The following GPHB5 variants were observed in gnomAD, a reference collection of about 807,000 sequenced individuals.
GPHB5 encodes the protein glycoprotein hormone beta-5.
GPHB5 carries 7 observed loss-of-function variants against 10.1 expected under a neutral mutation model. The ratio of observed to expected loss-of-function variants is 0.69; its 90% CI spans 0.39 to 1.30. The LOEUF is 1.30. GPHB5 is among the 50% of genes most tolerant of loss of function. The pLI is 0.01. For missense variants in GPHB5, 161 were observed against 169.8 expected (o/e 0.95, Z 0.29); for synonymous variants, 68 against 70.1 (o/e 0.97, Z 0.15).
intron 2 of GPHB5, 150 bp from the exon 3 acceptor site, chr14:63,313,266 A>G: frequency 1.3e-6 from 1 of 763,056 alleles, no homozygotes; most frequent in Non-Finnish European, 2.1e-6. Flanking sequence ...AAACTCCTGA[A>G]AGCAAGAAGC....
chr14:63,316,018 T>C (rs1472084087), intron 2 of GPHB5, among the ~76,000 whole-genome samples: 1 of 152,054 alleles, frequency 6.6e-6, no homozygotes, highest in Non-Finnish European at 1.5e-5. Flanking sequence ...AGACACTAGA[T>C]GCGAACAGGG....
chr14:63,313,878 A>G (rs966615890), intron 2 of GPHB5, among the ~76,000 whole-genome samples: 1 of 152,082 alleles, frequency 6.6e-6, no homozygotes, highest in Non-Finnish European at 1.5e-5. Context: ...TTTATTTTCC[A>G]CCACAGCACT....
intron 2 of GPHB5, among the ~76,000 whole-genome samples, chr14:63,315,364 T>C (rs1390181984): frequency 1.3e-5 from 2 of 152,228 alleles, no homozygotes; most frequent in Non-Finnish European, 2.9e-5. Context: ...TTCAGATACA[T>C]AATTTTTTAG....
chr14:63,312,993 G>T lies in GPHB5; in HGVS notation c.328C>A (p.Pro110Thr), dbSNP rs764715015. The T allele has an allele frequency of 8.3e-6, 13 of 1,571,338 alleles. No individual in the cohort carries two copies. The South Asian group carries it at 1.4e-4, about 17-fold the overall frequency. The change falls in exon 3 of 3, where the codon CCC (proline) becomes ACC (threonine). Residue 110 changes from proline (P) to threonine (T), a missense_variant. Pro to Thr is a conservative substitution (Grantham distance 38). Transcript: ENST00000621500. ...APGVDPFYTYPVAIRCDCGAC... is the reference protein window; with the variant it reads ...APGVDPFYTYTVAIRCDCGAC... ...CCGCAGTCACAGCGGATGGCCACGG[G>T]ATAGGTGTAGAAGGGGTCGACTCCC...
chr14:63,314,425 C>CTTT (rs1169264553), intron 2 of GPHB5, among the ~76,000 whole-genome samples: 7 of 132,962 alleles, frequency 5.3e-5, no homozygotes, highest in African/African-American at 1.6e-4. Flanking sequence ...AAATGCAATC[C>CTTT]ATTTTTTTTT....
Position 63,312,951 on chromosome 14 carries a change from T to A in GPHB5, c.370A>T (p.Thr124Ser), listed in dbSNP as rs118004333. 4,823 of 1,553,566 alleles carry A rather than the reference T, an allele frequency of 3.1e-3. 134 individuals carry two copies. In the East Asian group the frequency reaches 0.071, roughly 23 times the overall value. Reference protein sequence around the residue: ...RCDCGACSTATTECETI With the variant: ...RCDCGACSTASTECETI ...CCTCAGATGGTCTCACACTCCGTGG[T>A]GGCAGTGGAGCAGGCTCCGCAGTCA... The change falls in exon 3 of 3, where the codon ACC (threonine) becomes TCC (serine). Residue 124 changes from threonine to serine, a missense_variant. Physicochemically the swap from Thr to Ser is moderately conservative, Grantham distance 58. Coordinates refer to ENST00000621500, the MANE Select transcript of GPHB5 (RefSeq NM_145171.4).
In GPHB5 at chr14:63,318,929, TTC is replaced by T. The variant is rs1205585259; in HGVS notation, c.-109_-108del. 6.6e-6 allele frequency: 1 copy of T among 152,248 alleles called. No individual in the cohort carries two copies. Among genetic ancestry groups the T allele is most frequent in the Non-Finnish European group, 1.5e-5 (1 of 68,042 alleles). 9.4% of individuals were successfully genotyped at this position (152,248 alleles called of 1,614,324 possible). On this transcript the variant is annotated 5_prime_UTR_variant, in exon 1 of 3. Transcript: ENST00000621500. ...TTTGCCCTGGGTAAATGTCTCTACCTTCTGTTACTGGGCTGCTTGATTGCTCA... is the reference window on the plus strand; with the variant it reads ...TTTGCCCTGGGTAAATGTCTCTACCTTGTTACTGGGCTGCTTGATTGCTCA...
intron 2 of GPHB5, 28 bp downstream of exon 2, chr14:63,317,618 C>T (rs780413129): frequency 1.9e-6 from 3 of 1,606,638 alleles, no homozygotes; most frequent in Admixed American, 1.7e-5. Context: ...CTAGAAGACA[C>T]TGTCATCTGC....
At chr14:63,314,263 C>T (rs1332062593) in intron 2 of GPHB5, among the ~76,000 whole-genome samples, 1 of 151,996 alleles carries the variant, frequency 6.6e-6, no homozygotes, top group Admixed American at 6.5e-5. Context: ...TGTTCTGCCA[C>T]TTGCTGGAGA....
At position 63,312,932 on chromosome 14, in the gene GPHB5, A is replaced by G; in HGVS notation, c.389T>C (p.Ile130Thr). 6.4e-7 allele frequency: 1 copy of G among 1,551,992 alleles called. No homozygotes were observed. The highest frequency in any genetic ancestry group is 8.7e-7 in the Non-Finnish European group (1 of 1,147,150). Residue 130 changes from isoleucine (I) to threonine (T), a missense_variant, in exon 3 of 3, where the codon ATC (isoleucine) becomes ACC (threonine). Physicochemically the swap from Ile to Thr is moderately conservative, Grantham distance 89. Transcript: ENST00000621500. Reference sequence around the variant, plus strand: ...TGCAGAGAGCAGCTAGCGGCCTCAGATGGTCTCACACTCCGTGGTGGCAGT... The same window carrying G: ...TGCAGAGAGCAGCTAGCGGCCTCAGGTGGTCTCACACTCCGTGGTGGCAGT... ...CSTATTECET[I>T]
chr14:63,317,754 G>T lies in GPHB5; in HGVS notation c.96C>A (p.Thr32=). The change falls in exon 2 of 3, where the codon ACC becomes ACA. Residue 32 remains threonine, a synonymous_variant. Transcript: ENST00000621500. ...ACTCCCTCACGGCACAGCCCACAAA[G>T]GTGCGCAGGTTCCCACTGGAGGCAC... is the stretch of plus-strand genomic sequence containing the variant. The part of the protein sequence containing the change: ...VLGASSGNLR[T]FVGCAVREFT... 1 of 1,614,014 alleles carries T rather than the reference G, an allele frequency of 6.2e-7. No individual in the cohort carries two copies. Among genetic ancestry groups the T allele is most frequent in the Non-Finnish European group, 8.5e-7 (1 of 1,179,880 alleles).
Position 63,312,980 on chromosome 14 carries a change from C to CGGATGGCCACG in GPHB5, c.330_340dup (p.Arg114ProfsTer?). 1 of 1,561,452 alleles carries CGGATGGCCACG rather than the reference C, an allele frequency of 6.4e-7. No individual in the cohort carries two copies. Among genetic ancestry groups the CGGATGGCCACG allele is most frequent in the Non-Finnish European group, 8.7e-7 (1 of 1,152,558 alleles). ...AGTGGAGCAGGCTCCGCAGTCACAG[C>CGGATGGCCACG]GGATGGCCACGGGATAGGTGTAGAA... On this transcript the variant is annotated frameshift_variant, in exon 3 of 3. Coordinates refer to ENST00000621500, the MANE Select transcript of GPHB5 (RefSeq NM_145171.4). LOFTEE classifies it high-confidence loss of function.
chr14:63,315,244 C>G (rs1435845572), intron 2 of GPHB5, among the ~76,000 whole-genome samples: 1 of 152,140 alleles, frequency 6.6e-6, no homozygotes, highest in African/African-American at 2.4e-5. Context: ...ACCAGAAGAG[C>G]TGAATTTGTC....
At chr14:63,314,524 C>A (rs1290311180) in intron 2 of GPHB5, among the ~76,000 whole-genome samples, 1 of 143,842 alleles carries the variant, frequency 7.0e-6, no homozygotes, top group Non-Finnish European at 1.5e-5. Flanking sequence ...GGGTTCACGC[C>A]ATTCTCCTGC....
chr14:63,317,905 G>A lies in GPHB5; in HGVS notation c.-1-55C>T, dbSNP rs146787069. ...TTTAACAGATCTGGCTGCCTTCAAT[G>A]GCACAGCCAACCATGCATTTGTCAC... is the stretch of plus-strand genomic sequence containing the variant. On this transcript the variant is annotated intron_variant, in intron 1 of 2. Transcript: ENST00000621500. 175 of 1,511,038 alleles carry A rather than the reference G, an allele frequency of 1.2e-4. No individual in the cohort carries two copies. The African/African-American group carries it at 1.8e-3, about 16-fold the overall frequency. The allele number at this position is 1,511,038 out of a possible 1,614,324, so 93.6% of individuals were successfully genotyped here. A position where few individuals can be genotyped will look rare whatever the true frequency, so the allele number is the denominator to read the frequency against.
chr14:63,317,514 G>T, intron 2 of GPHB5, 132 bp downstream of exon 2: 1 of 782,052 alleles, frequency 1.3e-6, no homozygotes, highest in Non-Finnish European at 2.0e-6. Flanking sequence ...GTTTTGTTTT[G>T]GTTTTTTAAG....
In GPHB5 at chr14:63,316,337, G is replaced by C. The variant is rs79935269; in HGVS notation, c.204+1309C>G. On this transcript the variant is annotated intron_variant, in intron 2 of 2. Transcript: ENST00000621500. ...ATGGCAGTGTCCACTCACAGTGCAA[G>C]TGTGATTCTAAATGGCCTTCCATTA... 1.6e-4 allele frequency among the ~76,000 whole-genome samples: 24 copies of C among 152,340 alleles called. No individual in the cohort carries two copies. In the East Asian group the frequency reaches 4.6e-3, roughly 29 times the overall value.
At chr14:63,318,262 T>A (rs1882808501) in intron 1 of GPHB5, among the ~76,000 whole-genome samples, 1 of 152,214 alleles carries the variant, frequency 6.6e-6, no homozygotes, top group Non-Finnish European at 1.5e-5. Flanking sequence ...GGTATTTGGG[T>A]GCCATGTTAC....
At chr14:63,315,676 C>T (rs1206259024) in intron 2 of GPHB5, among the ~76,000 whole-genome samples, 2 of 152,144 alleles carry the variant, frequency 1.3e-5, no homozygotes, top group Non-Finnish European at 2.9e-5. Flanking sequence ...GTTAAGATCC[C>T]CCCCACCAAA....
Sources: allele counts gnomAD v4.1 joint callset (sites outside exome capture counted in the v4.1 genomes callset), GRCh38; gene constraint gnomAD v4.1.1; transcripts MANE v1.5; gene names NCBI Gene and HGNC (gene_info 2026-07-23, HGNC 2026-07-21).